PSMG4: variants seen among roughly 807,000 people sequenced by gnomAD.
The protein encoded by PSMG4 is proteasome (prosome, macropain) assembly chaperone 4.
In PSMG4, 10 loss-of-function variants were observed where a neutral mutation model predicts 11.0. The ratio of observed to expected loss-of-function variants is 0.91; its 90% CI spans 0.56 to 1.54. PSMG4 has a LOEUF of 1.54. Among genes scored for constraint, PSMG4 ranks in the 40% most tolerant of loss-of-function variants. PSMG4 has a pLI of 0.00. For missense variants in PSMG4, 198 were observed against 160.9 expected, an observed-to-expected ratio of 1.23 and a Z score of -1.25; for synonymous variants, 95 against 71.3, an observed-to-expected ratio of 1.33 and a Z score of -1.68.
upstream of PSMG4, among the ~76,000 whole-genome samples, chr6:3,254,734 C>G (rs1277721672): frequency 5.3e-5 from 8 of 152,096 alleles, no homozygotes; most frequent in Non-Finnish European, 1.2e-4. Flanking sequence ...AAAACAAACT[C>G]CCCCTGTGCC....
At chr6:3,260,257 G>C (rs1168778988) in intron 1 of PSMG4, among the ~76,000 whole-genome samples, 1 of 137,296 alleles carries the variant, frequency 7.3e-6, no homozygotes, top group Non-Finnish European at 1.6e-5. Flanking sequence ...TCCTACTCCA[G>C]TATAACCTTG....
upstream of PSMG4, chr6:3,255,171 A>C (rs1757715181): frequency 1.3e-6 from 2 of 1,550,820 alleles, no homozygotes; most frequent in East Asian, 4.9e-5. Context: ...CTGACGGCTT[A>C]CATGTGCGCT....
At chr6:3,263,829 A>G in intron 2 of PSMG4, 70 bp downstream of exon 2, 1 of 1,518,166 alleles carries the variant, frequency 6.6e-7, no homozygotes. Flanking sequence ...CCATGAAGCA[A>G]GTCCCTTCGG....
Position 3,267,915 on chromosome 6 carries a change from TTCC to T in PSMG4, c.*206_*208del. 4.3e-6 allele frequency: 2 copies of T among 466,702 alleles called. No individual in the cohort carries two copies. The highest frequency in any genetic ancestry group is 7.4e-5 in the East Asian group (2 of 27,016). The allele number at this position is 466,702 out of a possible 1,614,324, so 28.9% of individuals were successfully genotyped here. On this transcript the variant is annotated 3_prime_UTR_variant, in exon 3 of 3. Coordinates refer to ENST00000438998, the MANE Select transcript of PSMG4 (RefSeq NM_001128591.2). Reference sequence around the variant, plus strand: ...GAGAGGCAAAGTGGGCAGTATATACTTCCTCATTTGGCTGTGAGTGATAGAGGG... The same window carrying T: ...GAGAGGCAAAGTGGGCAGTATATACTTCATTTGGCTGTGAGTGATAGAGGG...
chr6:3,254,930 TCTCA>T (rs1293559830), upstream of PSMG4: 14 of 1,146,154 alleles, frequency 1.2e-5, no homozygotes, highest in Non-Finnish European at 1.7e-5. Context: ...TCAGCCATTC[TCTCA>T]CTGGGTGTCA....
upstream of PSMG4, among the ~76,000 whole-genome samples, chr6:3,257,850 G>T (rs1174258130): frequency 6.6e-6 from 1 of 152,184 alleles, no homozygotes; most frequent in Non-Finnish European, 1.5e-5. Context: ...TATATGTGCA[G>T]TTATTGTATG....
At chr6:3,258,456 A>C (rs948562770), upstream of PSMG4, among the ~76,000 whole-genome samples, 2 of 152,206 alleles carry the variant, frequency 1.3e-5, no homozygotes, top group African/African-American at 4.8e-5. Context: ...GTGCCGTCGA[A>C]GCCTCCTTGG....
chr6:3,267,843 TCAG>T lies in PSMG4; in HGVS notation c.*135_*137del. The T allele has an allele frequency of 1.0e-6, 1 of 974,280 alleles. No individual in the cohort carries two copies. The highest frequency in any genetic ancestry group is 2.5e-5 in the Admixed American group (1 of 40,004). The allele number at this position is 974,280 out of a possible 1,614,324, so 60.4% of individuals were successfully genotyped here. On this transcript the variant is annotated 3_prime_UTR_variant, in exon 3 of 3. Transcript: ENST00000438998. ...GGGGTTAATCTTTTGAGCTTCCTTC[TCAG>T]CAGTGTGTGGGCCAAAAGGCTCATA...
At chr6:3,256,898 T>G (rs1042214752), upstream of PSMG4, among the ~76,000 whole-genome samples, 1 of 152,130 alleles carries the variant, frequency 6.6e-6, no homozygotes, top group African/African-American at 2.4e-5. Flanking sequence ...AAGTTTTTTT[T>G]GAAGTGGACC....
chr6:3,258,874 C>G (rs547424149), upstream of PSMG4: 59 of 753,538 alleles, frequency 7.8e-5, no homozygotes, highest in African/African-American at 9.6e-4. Context: ...CGGGATCGCC[C>G]CTCCCCGACC....
At chr6:3,254,933 C>G, upstream of PSMG4, 5 of 1,169,812 alleles carry the variant, frequency 4.3e-6, no homozygotes, top group Non-Finnish European at 5.9e-6. Context: ...GCCATTCTCT[C>G]ACTGGGTGTC....
upstream of PSMG4, among the ~76,000 whole-genome samples, chr6:3,255,525 T>A (rs1345111633): frequency 6.6e-6 from 1 of 152,184 alleles, no homozygotes; most frequent in Non-Finnish European, 1.5e-5. Flanking sequence ...CCACTGCCCA[T>A]GAGTCTGTAT....
intron 1 of PSMG4, among the ~76,000 whole-genome samples, chr6:3,263,240 A>T (rs779215765): frequency 6.6e-6 from 1 of 152,210 alleles, no homozygotes; most frequent in African/African-American, 2.4e-5. Context: ...ACAGGCTGAG[A>T]TGAGGAGATT....
chr6:3,262,250 C>G (rs1758018486), intron 1 of PSMG4, among the ~76,000 whole-genome samples: 1 of 152,134 alleles, frequency 6.6e-6, no homozygotes. Context: ...GACCACAGTC[C>G]TAGTGTGATG....
chr6:3,254,682 A>C (rs1033493444), upstream of PSMG4, among the ~76,000 whole-genome samples: 1 of 152,038 alleles, frequency 6.6e-6, no homozygotes, highest in African/African-American at 2.4e-5. Context: ...AAACCACTAA[A>C]CTCAACAGAA....
At chr6:3,260,291 A>ATATATATATATATATATTTTTTTTTTTT in intron 1 of PSMG4, among the ~76,000 whole-genome samples, 9 of 70,852 alleles carry the variant, frequency 1.3e-4, no homozygotes, top group East Asian at 9.1e-4. Context: ...ATATATATAT[A>ATATATATATATATATATTTTTTTTTTTT]TTTTTTTTTT....
At chr6:3,258,822 GC>G, upstream of PSMG4, 1 of 418,344 alleles carries the variant, frequency 2.4e-6, no homozygotes, top group Non-Finnish European at 4.0e-6. Flanking sequence ...TCCGCCCAGG[GC>G]CGGCAGCCGC....
intron 1 of PSMG4, among the ~76,000 whole-genome samples, chr6:3,260,752 C>G (rs1757961060): frequency 6.6e-6 from 1 of 152,152 alleles, no homozygotes; most frequent in Admixed American, 6.5e-5. Context: ...ACAATTCAGG[C>G]CACAACACTG....
intron 1 of PSMG4, among the ~76,000 whole-genome samples, chr6:3,259,598 C>T (rs1236762648): frequency 6.6e-6 from 1 of 152,228 alleles, no homozygotes; most frequent in African/African-American, 2.4e-5. Context: ...GCACTAGGCA[C>T]ACATCAGGCT....
Sources: gnomAD v4.1 joint callset for allele counts (sites outside exome capture counted in the v4.1 genomes callset) on GRCh38, gnomAD v4.1.1 for gene constraint, MANE v1.5 for transcripts, NCBI Gene and HGNC (gene_info 2026-07-23, HGNC 2026-07-21) for gene names.